The following SH3RF3 variants were observed in gnomAD, a reference collection of about 807,000 sequenced individuals.
The protein encoded by SH3RF3 is E3 ubiquitin-protein ligase SH3RF3.
A neutral mutation model predicts 66.3 loss-of-function variants in SH3RF3; 29 were observed. The ratio of observed to expected loss-of-function variants is 0.44; its 90% CI spans 0.33 to 0.60. The LOEUF (loss-of-function observed/expected upper bound fraction) is 0.60. SH3RF3 is among the 20% of genes least tolerant of loss of function. SH3RF3 has a pLI of 0.04. For missense variants in SH3RF3, 1,194 were observed against 1,190.9 expected (o/e 1.00, Z -0.04); for synonymous variants, 583 against 532.0 (o/e 1.10, Z -1.32).
intron 1 of SH3RF3, among the ~76,000 whole-genome samples, chr2:109,304,263 C>T (rs1285493300): frequency 1.3e-5 from 2 of 152,098 alleles, no homozygotes; most frequent in African/African-American, 2.4e-5. Flanking sequence ...AACCCCAGCC[C>T]CTGGTAACCA....
intron 5 of SH3RF3, among the ~76,000 whole-genome samples, chr2:109,430,459 C>T (rs1301105474): frequency 2.6e-5 from 4 of 152,186 alleles, no homozygotes; most frequent in Non-Finnish European, 5.9e-5. Flanking sequence ...CCTCTCCTCT[C>T]CCCTTCTCTT....
intron 1 of SH3RF3, among the ~76,000 whole-genome samples, chr2:109,144,910 G>A (rs1447492439): frequency 6.6e-6 from 1 of 152,224 alleles, no homozygotes; most frequent in Non-Finnish European, 1.5e-5. Context: ...GGGTGCTGGG[G>A]CGGTGTGGAC....
intron 1 of SH3RF3, among the ~76,000 whole-genome samples, chr2:109,338,034 C>T (rs986190413): frequency 2.0e-5 from 3 of 152,016 alleles, no homozygotes; most frequent in Admixed American, 6.6e-5. Flanking sequence ...GCCCAGGCTC[C>T]TTCTGTTTTT....
At chr2:109,471,481 A>G (rs1208480730) in intron 8 of SH3RF3, among the ~76,000 whole-genome samples, 2 of 152,200 alleles carry the variant, frequency 1.3e-5, no homozygotes, top group Admixed American at 6.5e-5. Flanking sequence ...CCCGTGATCT[A>G]GTCCCCTCCC....
chr2:109,217,602 A>G (rs1346490175), intron 1 of SH3RF3, among the ~76,000 whole-genome samples: 1 of 152,252 alleles, frequency 6.6e-6, no homozygotes, highest in African/African-American at 2.4e-5. Flanking sequence ...CATGTGTTAT[A>G]AACAGAATCA....
intron 1 of SH3RF3, among the ~76,000 whole-genome samples, chr2:109,296,869 A>G (rs1199504579): frequency 6.6e-6 from 1 of 152,204 alleles, no homozygotes; most frequent in African/African-American, 2.4e-5. Context: ...CAGCACTGCT[A>G]TAGCATTGCC....
At chr2:109,430,113 C>G (rs533418373) in intron 5 of SH3RF3, among the ~76,000 whole-genome samples, 23 of 152,314 alleles carry the variant, frequency 1.5e-4, no homozygotes, top group African/African-American at 4.1e-4. Context: ...ATGAGCCCCC[C>G]ACTCCAGAGG....
At chr2:109,255,313 C>T (rs996872863) in intron 1 of SH3RF3, among the ~76,000 whole-genome samples, 5 of 152,132 alleles carry the variant, frequency 3.3e-5, no homozygotes, top group South Asian at 2.1e-4. Flanking sequence ...TACCACCCAC[C>T]GGTGAAACTT....
chr2:109,197,286 T>C (rs1270092361), intron 1 of SH3RF3, among the ~76,000 whole-genome samples: 1 of 152,158 alleles, frequency 6.6e-6, no homozygotes, highest in Non-Finnish European at 1.5e-5. Flanking sequence ...TGGGATGCAC[T>C]TGGCCTCATT....
chr2:109,376,534 A>G (rs1264515935), intron 3 of SH3RF3, among the ~76,000 whole-genome samples: 1 of 152,244 alleles, frequency 6.6e-6, no homozygotes, highest in African/African-American at 2.4e-5. Context: ...TGATCCAAAA[A>G]TAGTTCAAAA....
intron 1 of SH3RF3, among the ~76,000 whole-genome samples, chr2:109,150,774 A>G (rs918252496): frequency 6.6e-6 from 1 of 152,176 alleles, no homozygotes; most frequent in Admixed American, 6.5e-5. Context: ...GATCTCCTCA[A>G]ATCTCACACT....
At chr2:109,192,156 C>A (rs552993040) in intron 1 of SH3RF3, among the ~76,000 whole-genome samples, 3 of 152,116 alleles carry the variant, frequency 2.0e-5, no homozygotes, top group African/African-American at 4.8e-5. Flanking sequence ...TCTTTGAGAG[C>A]GGTTCGGTTC....
chr2:109,285,355 C>T (rs1288061761), intron 1 of SH3RF3, among the ~76,000 whole-genome samples: 1 of 152,236 alleles, frequency 6.6e-6, no homozygotes, highest in Non-Finnish European at 1.5e-5. Flanking sequence ...GCTTGTGAGT[C>T]ATTAGCATGC....
intron 2 of SH3RF3, among the ~76,000 whole-genome samples, chr2:109,355,905 A>T (rs1401620310): frequency 6.6e-6 from 1 of 152,212 alleles, no homozygotes; most frequent in Non-Finnish European, 1.5e-5. Context: ...TTTTTGTAAC[A>T]TGAGGACAAA....
chr2:109,180,217 C>G (rs1281539751), intron 1 of SH3RF3, among the ~76,000 whole-genome samples: 3 of 152,104 alleles, frequency 2.0e-5, no homozygotes, highest in Non-Finnish European at 4.4e-5. Flanking sequence ...CTGCCCTCCA[C>G]TGGTATTCCC....
chr2:109,260,737 G>T (rs1337816322), intron 1 of SH3RF3, among the ~76,000 whole-genome samples: 1 of 152,180 alleles, frequency 6.6e-6, no homozygotes, highest in African/African-American at 2.4e-5. Flanking sequence ...CTGTCCATGG[G>T]CAATCCAGGG....
At chr2:109,400,777 T>G (rs1202635041) in intron 4 of SH3RF3, among the ~76,000 whole-genome samples, 2 of 152,230 alleles carry the variant, frequency 1.3e-5, no homozygotes, top group Non-Finnish European at 2.9e-5. Context: ...CTGTAGTGTC[T>G]GGAGCTGTAA....
At chr2:109,145,890 A>T (rs1464335435) in intron 1 of SH3RF3, among the ~76,000 whole-genome samples, 1 of 152,104 alleles carries the variant, frequency 6.6e-6, no homozygotes, top group Non-Finnish European at 1.5e-5. Context: ...GCGTAGGGCT[A>T]TGGGTGTGCG....
intron 1 of SH3RF3, among the ~76,000 whole-genome samples, chr2:109,182,031 C>G (rs1449609272): frequency 6.6e-6 from 1 of 152,150 alleles, no homozygotes; most frequent in African/African-American, 2.4e-5. Context: ...AAAAAATTAT[C>G]TATGTGATAA....
Sources: allele counts gnomAD v4.1 joint callset (sites outside exome capture counted in the v4.1 genomes callset), GRCh38; gene constraint gnomAD v4.1.1; transcripts MANE v1.5; gene names NCBI Gene and HGNC (gene_info 2026-07-23, HGNC 2026-07-21).